PLEKHG5: variants seen among roughly 807,000 people sequenced by gnomAD.
The protein encoded by PLEKHG5 is pleckstrin homology and RhoGEF domain containing G5, also known as pleckstrin homology domain-containing family G member 5.
In PLEKHG5, 52 loss-of-function variants were observed where a neutral mutation model predicts 103.8. The observed-to-expected ratio is 0.50, with a 90% CI of 0.40 to 0.63. The LOEUF is 0.63. Among genes scored for constraint, PLEKHG5 ranks in the 30% least tolerant of loss-of-function variants. The pLI, the probability that PLEKHG5 is intolerant of heterozygous loss-of-function variation, is 0.00. For synonymous variants in PLEKHG5, 592 were observed against 575.5 expected, an observed-to-expected ratio of 1.03 and a Z score of -0.41; for missense variants, 1,205 against 1,347.6, an observed-to-expected ratio of 0.89 and a Z score of 1.66.
upstream of PLEKHG5, among the ~76,000 whole-genome samples, chr1:6,497,643 G>A (rs1383809118): frequency 6.6e-6 from 1 of 152,044 alleles, no homozygotes; most frequent in African/African-American, 2.4e-5. This position sits in a 1 kb window ranked among gnomAD's most constrained non-coding sequence, Gnocchi z 6.1. Flanking sequence ...CTCTGTCCTG[G>A]AGGGTGCCAT....
chr1:6,482,305 C>T (rs1342469959), intron 1 of PLEKHG5, among the ~76,000 whole-genome samples: 3 of 152,204 alleles, frequency 2.0e-5, no homozygotes, highest in Non-Finnish European at 2.9e-5. Flanking sequence ...TCTGATTCAG[C>T]GCCTGACCTC....
At position 6,472,990 on chromosome 1, in the gene PLEKHG5, T is replaced by G. The variant is rs1644638668; in HGVS notation, c.980A>C (p.His327Pro). 6.2e-7 allele frequency: 1 copy of G among 1,613,736 alleles called. No individual in the cohort carries two copies. Among genetic ancestry groups the G allele is most frequent in the Non-Finnish European group, 8.5e-7 (1 of 1,179,862 alleles). Residue 327 changes from histidine (H) to proline (P), a missense_variant, in exon 9 of 21, where the codon CAT becomes CCT. His to Pro is a moderately conservative substitution (Grantham distance 77). Coordinates refer to ENST00000377728, the MANE Select transcript of PLEKHG5 (RefSeq NM_020631.6). Reference sequence around the variant, plus strand: ...AGCACTGTGGCCCGCACTCACCTCATGCCCATCAATGAGCTCCCGCCAGCT... The same window carrying G: ...AGCACTGTGGCCCGCACTCACCTCAGGCCCATCAATGAGCTCCCGCCAGCT... ...EDSWRELIDG[H>P]EKLTRRQCHQ...
upstream of PLEKHG5, chr1:6,496,858 G>T: frequency 1.3e-6 from 1 of 740,866 alleles, no homozygotes; most frequent in Non-Finnish European, 2.1e-6. Flanking sequence ...ACAAGTGGGG[G>T]AGCGCTCAGT....
rs541234129 is a variant in PLEKHG5 at position 6,474,032 on chromosome 1, C to A, written c.572G>T (p.Arg191Leu). 7.5e-6 allele frequency: 12 copies of A among 1,607,096 alleles called. No individual in the cohort carries two copies. Among genetic ancestry groups the A allele is most frequent in the East Asian group, 2.2e-5 (1 of 44,584 alleles). ...ALERVDAQSR[R>L]ESLDILAPGR... ...CCTCACCAAGATGTCCAGGCTCTCC[C>A]GGCGGCTCTGGGCGTCCACACGCTC... Residue 191 changes from arginine to leucine, a missense_variant, in exon 7 of 21, where the codon CGG (arginine) becomes CTG (leucine). Physicochemically the swap from Arg to Leu is moderately radical, Grantham distance 102. Transcript: ENST00000377728.
At chr1:6,468,918 C>A in intron 19 of PLEKHG5, 124 bp downstream of exon 19, 2 of 854,186 alleles carry the variant, frequency 2.3e-6, no homozygotes, top group South Asian at 2.8e-5. Context: ...AGACAGAGCC[C>A]CGCTCCCACA....
chr1:6,479,576 G>A (rs1212821398), intron 1 of PLEKHG5, among the ~76,000 whole-genome samples: 4 of 151,326 alleles, frequency 2.6e-5, no homozygotes, highest in East Asian at 1.9e-4. Context: ...GTGAGCCACC[G>A]TGCCCAGCCT....
intron 1 of PLEKHG5, among the ~76,000 whole-genome samples, chr1:6,480,937 G>C (rs1338431324): frequency 6.6e-6 from 1 of 152,104 alleles, no homozygotes; most frequent in Non-Finnish European, 1.5e-5. Flanking sequence ...ACAGGTGTGA[G>C]CCACCATATC....
chr1:6,485,312 C>T (rs1021118691), intron 1 of PLEKHG5: 7 of 1,399,866 alleles, frequency 5.0e-6, no homozygotes, highest in Non-Finnish European at 6.5e-6. Flanking sequence ...CCGCCCCGTC[C>T]CGGCCCCGTA....
intron 1 of PLEKHG5, among the ~76,000 whole-genome samples, chr1:6,479,899 C>G (rs1047641359): frequency 4.6e-5 from 7 of 152,208 alleles, no homozygotes; most frequent in Non-Finnish European, 8.8e-5. Context: ...GCATGAGCCA[C>G]TGTGCCTGGC....
At position 6,471,108 on chromosome 1, in the gene PLEKHG5, G is replaced by A. The variant is rs745431460; in HGVS notation, c.1282-8C>T. 3 of 1,569,986 alleles carry A rather than the reference G, an allele frequency of 1.9e-6. No homozygotes were observed. The highest frequency in any genetic ancestry group is 2.6e-6 in the Non-Finnish European group (3 of 1,158,116). ...CTTGAAGAGCGAGCCGAACTGGCCCGGGGCAGAACAACCACGGCGCCGGTT... is the reference window on the plus strand; with the variant it reads ...CTTGAAGAGCGAGCCGAACTGGCCCAGGGCAGAACAACCACGGCGCCGGTT... On this transcript the variant is annotated splice_region_variant and splice_polypyrimidine_tract_variant and intron_variant, in intron 12 of 20. Coordinates refer to ENST00000377728, the MANE Select transcript of PLEKHG5 (RefSeq NM_020631.6).
rs367560509 is a variant in PLEKHG5 at position 6,468,202 on chromosome 1, G to A, written c.2634C>T (p.Ser878=). The change falls in exon 20 of 21, where the codon TCC becomes TCT. Residue 878 remains serine (S), a synonymous_variant. Coordinates refer to ENST00000377728, the MANE Select transcript of PLEKHG5 (RefSeq NM_020631.6). ...SCPPHLLKSK[S]EASLLQLLAG... is the part of the protein sequence containing the mutation. ...CCAGCAGCTGGAGGAGGCTGGCCTC[G>A]GACTTAGACTTGAGCAGGTGGGGCG... The A allele has an allele frequency of 2.2e-4, 354 of 1,576,890 alleles. 1 individual carries two copies. The highest frequency in any genetic ancestry group is 1.7e-3 in the Middle Eastern group (10 of 5,858).
intron 1 of PLEKHG5, among the ~76,000 whole-genome samples, chr1:6,478,448 C>T (rs896670610): frequency 2.0e-5 from 3 of 152,172 alleles, no homozygotes; most frequent in Non-Finnish European, 4.4e-5. Flanking sequence ...GCATTACAGG[C>T]ATGAGCTGCC....
chr1:6,498,318 G>A (rs1645256396), upstream of PLEKHG5, among the ~76,000 whole-genome samples: 1 of 152,170 alleles, frequency 6.6e-6, no homozygotes, highest in South Asian at 2.1e-4. Flanking sequence ...TCACTGGAAG[G>A]CCTCTCAGCT....
Position 6,468,163 on chromosome 1 carries a change from G to A in PLEKHG5, c.2673C>T (p.Thr891=). Residue 891 remains threonine (T), a synonymous_variant, in exon 20 of 21, where the codon ACC becomes ACT. Transcript: ENST00000377728. ...GGCTGGGGGCAGAGGGTGTCCCATG[G>A]GTGCCAGCCCCTGCCAGCAGCTGGA... The part of the protein sequence containing the change: ...SLLQLLAGAG[T]HGTPSAPSRS... The A allele has an allele frequency of 6.4e-7, 1 of 1,567,628 alleles. No homozygotes were observed.
intron 1 of PLEKHG5, among the ~76,000 whole-genome samples, chr1:6,512,833 A>G (rs1187265431): frequency 6.6e-6 from 1 of 152,216 alleles, no homozygotes; most frequent in Non-Finnish European, 1.5e-5. Context: ...GCCATCTCGA[A>G]CAAGTTGGGC....
upstream of PLEKHG5, chr1:6,496,398 A>T (rs1645224648): frequency 2.0e-6 from 2 of 983,902 alleles, no homozygotes; most frequent in African/African-American, 3.3e-5. Flanking sequence ...CGCCCGTGCC[A>T]GGGCTCTGTG....
intron 1 of PLEKHG5, among the ~76,000 whole-genome samples, chr1:6,512,492 C>G (rs538055760): frequency 6.6e-6 from 1 of 152,336 alleles, no homozygotes; most frequent in African/African-American, 2.4e-5. Flanking sequence ...CAGTGGGGCC[C>G]TCAGGCCCAC....
chr1:6,497,209 G>T (rs1020800010), upstream of PLEKHG5: 5 of 863,124 alleles, frequency 5.8e-6, no homozygotes, highest in African/African-American at 6.7e-5. This position sits in a 1 kb window ranked among gnomAD's most constrained non-coding sequence, Gnocchi z 6.1. Flanking sequence ...CCCGAAGCCC[G>T]GTCGGCGCCC....
chr1:6,479,507 C>T (rs914102487), intron 1 of PLEKHG5, among the ~76,000 whole-genome samples: 50 of 152,028 alleles, frequency 3.3e-4, no homozygotes, highest in African/African-American at 1.1e-3. Context: ...AGGATGGTCT[C>T]GATCTCCTGA....
Sources: gnomAD v4.1 joint callset for allele counts (sites outside exome capture counted in the v4.1 genomes callset) on GRCh38, gnomAD v4.1.1 for gene constraint, Gnocchi (gnomAD v3.1) non-coding constraint, MANE v1.5 for transcripts, NCBI Gene and HGNC (gene_info 2026-07-23, HGNC 2026-07-21) for gene names.